Variants in CCSER2 observed in about 807,000 individuals in gnomAD.
The protein encoded by CCSER2 is coiled-coil serine rich protein 2.
In CCSER2, 46 loss-of-function variants were observed where a neutral mutation model predicts 92.3. That is an observed-to-expected ratio of 0.50 (90% confidence interval 0.39 to 0.64). The LOEUF (loss-of-function observed/expected upper bound fraction) is 0.64. Ranked by LOEUF, CCSER2 falls within the 30% of genes least tolerant of loss-of-function variation. CCSER2 has a pLI of 0.00. For synonymous variants in CCSER2, 433 were observed against 431.4 expected (o/e 1.00, Z -0.04); for missense variants, 1,244 against 1,238.9 (o/e 1.00, Z -0.06).
intron 3 of CCSER2, among the ~76,000 whole-genome samples, chr10:84,374,338 T>A (rs1256286460): frequency 2.0e-5 from 3 of 152,112 alleles, no homozygotes; most frequent in Admixed American, 6.6e-5. Flanking sequence ...ACAATACAAG[T>A]GTATTATTTT....
intron 3 of CCSER2, among the ~76,000 whole-genome samples, chr10:84,396,689 T>G (rs1841860103): frequency 1.3e-5 from 2 of 152,050 alleles, no homozygotes; most frequent in Admixed American, 1.3e-4. Flanking sequence ...GAGACTGGGT[T>G]ATGAGACTGG....
At chr10:84,452,047 A>T (rs1387491962) in intron 6 of CCSER2, among the ~76,000 whole-genome samples, 2 of 152,238 alleles carry the variant, frequency 1.3e-5, no homozygotes, top group Non-Finnish European at 2.9e-5. Context: ...AAGAAAAAAA[A>T]CTTACAAAAA....
intron 5 of CCSER2, among the ~76,000 whole-genome samples, chr10:84,429,060 C>T (rs1843615866): frequency 6.9e-6 from 1 of 144,898 alleles, no homozygotes; most frequent in Non-Finnish European, 1.5e-5. Flanking sequence ...TGTTTTTCTT[C>T]TTGAGATATC....
intron 5 of CCSER2, among the ~76,000 whole-genome samples, chr10:84,432,484 A>G (rs892748763): frequency 6.6e-6 from 1 of 152,196 alleles, no homozygotes; most frequent in Non-Finnish European, 1.5e-5. Context: ...GCTCCCACTT[A>G]TAAGTGAGAA....
chr10:84,466,569 A>G (rs191244337), intron 7 of CCSER2, among the ~76,000 whole-genome samples: 1 of 151,024 alleles, frequency 6.6e-6, no homozygotes, highest in Non-Finnish European at 1.5e-5. Flanking sequence ...CAGTGGCACA[A>G]TCTCGGCTCG....
rs370029614 is a variant in CCSER2 at position 84,381,705 on chromosome 10, A to G, written c.1614+7890A>G. 3.8e-4 allele frequency among the ~76,000 whole-genome samples: 58 copies of G among 152,176 alleles called. No homozygotes were observed. The East Asian group carries it at 9.7e-3, about 25-fold the overall frequency. On this transcript the variant is annotated intron_variant, in intron 3 of 9. Coordinates refer to ENST00000372088, the MANE Select transcript of CCSER2 (RefSeq NM_001284240.2). ...CACTTTGGGAGGCTGAGGCAGGTGG[A>G]TCACCTGAGGTCAGGAGTTCAAGAC... is the stretch of plus-strand genomic sequence containing the variant.
chr10:84,391,679 G>A, intron 3 of CCSER2: 1 of 1,528,338 alleles, frequency 6.5e-7, no homozygotes, highest in Non-Finnish European at 9.1e-7. Flanking sequence ...GACATTGTTA[G>A]AGAATACAGC....
In CCSER2 at chr10:84,445,715, T is replaced by G. The variant is rs913625045; in HGVS notation, c.2064+7008T>G. ...AACTTTGAAATGAAATGAAATAATA[T>G]AGGATATACTTGTTTTATATCTGGC... On this transcript the variant is annotated intron_variant, in intron 6 of 9. Transcript: ENST00000372088. Among the ~76,000 whole-genome samples, 3 of 152,212 alleles carry G rather than the reference T, an allele frequency of 2.0e-5. No individual in the cohort carries two copies. In the East Asian group the frequency reaches 5.8e-4, roughly 29 times the overall value.
chr10:84,445,101 C>T (rs1217592859), intron 6 of CCSER2, among the ~76,000 whole-genome samples: 1 of 152,102 alleles, frequency 6.6e-6, no homozygotes, highest in Non-Finnish European at 1.5e-5. Flanking sequence ...TTGACCCTGA[C>T]ATGAAGAACG....
chr10:84,501,834 A>AAAAAAAATAC (rs1167460274), intron 9 of CCSER2, among the ~76,000 whole-genome samples: 1 of 40,152 alleles, frequency 2.5e-5, no homozygotes, highest in Non-Finnish European at 8.1e-5. Context: ...AAAAAAAAAA[A>AAAAAAAATAC]ATATATATAT....
At chr10:84,455,283 C>CTTTTTCT (rs1845543941) in intron 6 of CCSER2, 2 of 99,166 alleles carry the variant, frequency 2.0e-5, no homozygotes, top group African/African-American at 3.3e-5. Context: ...TTTTCTTTTT[C>CTTTTTCT]TTTTTTTTTT....
chr10:84,448,950 T>C (rs1260801796), intron 6 of CCSER2, among the ~76,000 whole-genome samples: 1 of 152,264 alleles, frequency 6.6e-6, no homozygotes, highest in Non-Finnish European at 1.5e-5. Flanking sequence ...ATTCTACATA[T>C]ATGTACCACA....
chr10:84,438,619 T>A lies in CCSER2; in HGVS notation c.1976T>A (p.Ile659Lys). ...MFVDVPENTV[I>K]LDEMTLRHMV... ...GTTGATGTACCAGAAAATACAGTGA[T>A]ACTGGATGAGATGACCCTTCGGCAC... The change falls in exon 6 of 10, where the codon ATA becomes AAA. Residue 659 changes from isoleucine (I) to lysine (K), a missense_variant. Transcript: ENST00000372088. 1 of 1,613,238 alleles carries A rather than the reference T, an allele frequency of 6.2e-7. No individual in the cohort carries two copies. Among genetic ancestry groups the A allele is most frequent in the Non-Finnish European group, 8.5e-7 (1 of 1,179,178 alleles).
intron 9 of CCSER2, among the ~76,000 whole-genome samples, chr10:84,499,358 A>G (rs1392509061): frequency 2.0e-5 from 3 of 151,596 alleles, no homozygotes; most frequent in Non-Finnish European, 2.9e-5. Context: ...CTGGTCTTCA[A>G]CTCCTGACCT....
chr10:84,338,653 T>C (rs938546703), intron 1 of CCSER2, among the ~76,000 whole-genome samples: 1 of 152,250 alleles, frequency 6.6e-6, no homozygotes, highest in African/African-American at 2.4e-5. Context: ...CTATTTGTTA[T>C]GGTAGTTTTA....
At chr10:84,396,185 C>CTG (rs11467455) in intron 3 of CCSER2, among the ~76,000 whole-genome samples, 46,878 of 145,454 alleles carry the variant, frequency 0.32, 7,996 homozygotes, top group Non-Finnish European at 0.41. Context: ...TTATTCAACA[C>CTG]TGTGTGTGTG....
At chr10:84,437,710 GTT>G (rs769780704) in intron 5 of CCSER2, among the ~76,000 whole-genome samples, 2 of 126,804 alleles carry the variant, frequency 1.6e-5, no homozygotes, top group African/African-American at 2.8e-5. Context: ...TTTTAGAGTA[GTT>G]TTTTTTTTTT....
At chr10:84,403,656 T>TG (rs1367703691) in intron 3 of CCSER2, among the ~76,000 whole-genome samples, 1 of 152,148 alleles carries the variant, frequency 6.6e-6, no homozygotes, top group Non-Finnish European at 1.5e-5. Flanking sequence ...GAGATATGGA[T>TG]GGGAAATAAG....
At chr10:84,425,290 C>G in intron 4 of CCSER2, 1 of 367,544 alleles carries the variant, frequency 2.7e-6, no homozygotes, top group East Asian at 1.6e-4. Flanking sequence ...TTCTTGAGAT[C>G]AGTGAAAATT....
Sources: gnomAD v4.1 joint callset for allele counts (sites outside exome capture counted in the v4.1 genomes callset) on GRCh38, gnomAD v4.1.1 for gene constraint, MANE v1.5 for transcripts, NCBI Gene and HGNC (gene_info 2026-07-23, HGNC 2026-07-21) for gene names.